MAMDC2: variants seen among roughly 807,000 people sequenced by gnomAD.
MAMDC2 encodes the protein MAM domain-containing protein 2.
Under a neutral mutation model 89.8 loss-of-function variants are expected in MAMDC2, and 57 were observed. The observed-to-expected ratio is 0.63, with a 90% CI of 0.51 to 0.79. The LOEUF is 0.79. MAMDC2 is among the 30% of genes least tolerant of loss of function. The pLI, the probability that MAMDC2 is intolerant of heterozygous loss-of-function variation, is 0.00. For missense variants in MAMDC2, 800 were observed against 820.6 expected, an observed-to-expected ratio of 0.97 and a Z score of 0.31; for synonymous variants, 313 against 293.4, an observed-to-expected ratio of 1.07 and a Z score of -0.68.
chr9:70,204,591 G>C (rs867929481), intron 11 of MAMDC2, among the ~76,000 whole-genome samples: 1 of 151,128 alleles, frequency 6.6e-6, no homozygotes, highest in Non-Finnish European at 1.5e-5. Flanking sequence ...CACCCAGTTC[G>C]AGCTTCCCGG....
intron 2 of MAMDC2, among the ~76,000 whole-genome samples, chr9:70,076,107 G>T (rs909565518): frequency 1.3e-5 from 2 of 152,154 alleles, no homozygotes; most frequent in Non-Finnish European, 2.9e-5. Context: ...GCTGTTGAAG[G>T]CTCCCTGATA....
chr9:70,114,477 A>AG (rs2029882980), intron 5 of MAMDC2, among the ~76,000 whole-genome samples: 1 of 151,948 alleles, frequency 6.6e-6, no homozygotes, highest in Non-Finnish European at 1.5e-5. Context: ...GGCCAATAAA[A>AG]CACACTTGCC....
At chr9:70,126,031 C>T in intron 5 of MAMDC2, 128 bp from the exon 6 acceptor site, 1 of 1,018,804 alleles carries the variant, frequency 9.8e-7, no homozygotes, top group South Asian at 1.6e-5. Flanking sequence ...TCAGCTGTAA[C>T]TCATCCACTT....
At chr9:70,119,176 A>G (rs1328268288) in intron 5 of MAMDC2, among the ~76,000 whole-genome samples, 1 of 136,382 alleles carries the variant, frequency 7.3e-6, no homozygotes, top group Non-Finnish European at 1.5e-5. Context: ...TGTTTTCTAC[A>G]TACCTTAGCA....
chr9:70,101,141 A>G (rs1460308679), intron 2 of MAMDC2, among the ~76,000 whole-genome samples: 1 of 152,234 alleles, frequency 6.6e-6, no homozygotes, highest in Non-Finnish European at 1.5e-5. Context: ...TGTTTTTAAC[A>G]AAAAGTTTGA....
In MAMDC2 at chr9:70,126,279, A is replaced by G. The variant is rs751620430; in HGVS notation, c.764A>G (p.Gln255Arg). Residue 255 changes from glutamine to arginine, a missense_variant, in exon 6 of 14, where the codon CAG becomes CGG. Gln to Arg is a conservative substitution (Grantham distance 43). Coordinates refer to ENST00000377182, the MANE Select transcript of MAMDC2 (RefSeq NM_153267.5). ...CTGTCATTTTATTACCAGATCCAGC[A>G]GGGGAATGACAATGTCTTTTCCCTT... ...GCLSFYYQIQQGNDNVFSLYT... is the reference protein window; with the variant it reads ...GCLSFYYQIQRGNDNVFSLYT... 4 of 1,614,206 alleles carry G rather than the reference A, an allele frequency of 2.5e-6. No homozygotes were observed. Among genetic ancestry groups the G allele is most frequent in the Non-Finnish European group, 3.4e-6 (4 of 1,180,018 alleles).
At chr9:70,059,262 G>A (rs561344299) in intron 2 of MAMDC2, among the ~76,000 whole-genome samples, 1 of 152,248 alleles carries the variant, frequency 6.6e-6, no homozygotes, top group East Asian at 1.9e-4. Context: ...CCTGTAGTGG[G>A]CAATGTCTCT....
At chr9:70,156,005 A>G (rs2031751267) in intron 9 of MAMDC2, among the ~76,000 whole-genome samples, 1 of 152,242 alleles carries the variant, frequency 6.6e-6, no homozygotes, top group African/African-American at 2.4e-5. Context: ...TATGTAAATC[A>G]GAATGTCATG....
intron 2 of MAMDC2, among the ~76,000 whole-genome samples, chr9:70,053,825 A>G (rs148030474): frequency 3.2e-4 from 49 of 152,258 alleles, no homozygotes; most frequent in Non-Finnish European, 7.1e-4. Flanking sequence ...AGAATTGCCA[A>G]TGGGGAGGCT....
intron 12 of MAMDC2, among the ~76,000 whole-genome samples, chr9:70,219,514 A>C (rs1378431244): frequency 6.6e-5 from 10 of 152,180 alleles, no homozygotes; most frequent in Admixed American, 5.9e-4. Flanking sequence ...GGGATATCCA[A>C]ATTAAGGGTT....
At chr9:70,130,868 A>G (rs755215807) in intron 6 of MAMDC2, among the ~76,000 whole-genome samples, 2 of 152,120 alleles carry the variant, frequency 1.3e-5, no homozygotes, top group Non-Finnish European at 2.9e-5. Context: ...TCATAATGCT[A>G]ATTAGTTCTG....
At chr9:70,112,213 A>G (rs1013398067) in intron 4 of MAMDC2, among the ~76,000 whole-genome samples, 3 of 152,216 alleles carry the variant, frequency 2.0e-5, no homozygotes, top group African/African-American at 7.2e-5. Flanking sequence ...ATAAGGGTCA[A>G]TGGAGGCATT....
At chr9:70,096,395 A>C (rs1828027727) in intron 2 of MAMDC2, among the ~76,000 whole-genome samples, 1 of 152,198 alleles carries the variant, frequency 6.6e-6, no homozygotes. Flanking sequence ...TCCTGTTCTT[A>C]AAGTGGCCAT....
intron 9 of MAMDC2, among the ~76,000 whole-genome samples, chr9:70,147,714 A>G (rs1169612140): frequency 6.7e-6 from 1 of 150,140 alleles, no homozygotes; most frequent in East Asian, 1.9e-4. Context: ...GGCGTAGAAC[A>G]TTTATATTCC....
chr9:70,055,280 C>T (rs1010651054), intron 2 of MAMDC2, among the ~76,000 whole-genome samples: 2 of 152,176 alleles, frequency 1.3e-5, no homozygotes, highest in African/African-American at 4.8e-5. Flanking sequence ...CATTTACTTT[C>T]ATCATCTTTA....
At chr9:70,163,247 T>TTTA (rs57665466) in intron 9 of MAMDC2, among the ~76,000 whole-genome samples, 4 of 148,246 alleles carry the variant, frequency 2.7e-5, no homozygotes, top group Non-Finnish European at 6.0e-5. Flanking sequence ...TTTTTTTTTT[T>TTTA]AGACAGAGTC....
chr9:70,152,055 C>T (rs1340750209), intron 9 of MAMDC2, among the ~76,000 whole-genome samples: 1 of 152,150 alleles, frequency 6.6e-6, no homozygotes, highest in Non-Finnish European at 1.5e-5. Flanking sequence ...TAAAGAAGTC[C>T]AGCCTTTCAG....
intron 2 of MAMDC2, chr9:70,086,603 C>T (rs1827775860): frequency 6.6e-6 from 1 of 152,146 alleles, no homozygotes; most frequent in East Asian, 1.9e-4. Context: ...CAATGACCCA[C>T]ATCTCTAAGA....
chr9:70,157,367 T>C (rs1294378504), intron 9 of MAMDC2: 3 of 152,210 alleles, frequency 2.0e-5, no homozygotes, highest in Non-Finnish European at 4.4e-5. Context: ...AATTAGAAAT[T>C]GACAATTCAC....
Sources: gnomAD v4.1 joint callset for allele counts (sites outside exome capture counted in the v4.1 genomes callset) on GRCh38, gnomAD v4.1.1 for gene constraint, MANE v1.5 for transcripts, NCBI Gene and HGNC (gene_info 2026-07-23, HGNC 2026-07-21) for gene names.